LIMCH1: variants seen among roughly 807,000 people sequenced by gnomAD.
LIMCH1 encodes the protein LIM and calponin homology domains 1, also known as LIM and calponin homology domains-containing protein 1.
In LIMCH1, 113 loss-of-function variants were observed where a neutral mutation model predicts 176.5. The observed-to-expected ratio is 0.64, with a 90% CI of 0.55 to 0.75. The LOEUF is 0.75. Among genes scored for constraint, LIMCH1 ranks in the 30% least tolerant of loss-of-function variants. The pLI, the probability that LIMCH1 is intolerant of heterozygous loss-of-function variation, is 0.00. For missense variants in LIMCH1, 1,674 were observed against 1,814.9 expected, an observed-to-expected ratio of 0.92 and a Z score of 1.41; for synonymous variants, 619 against 645.9, an observed-to-expected ratio of 0.96 and a Z score of 0.63.
At chr4:41,423,088 G>A (rs1201166942) in intron 1 of LIMCH1, among the ~76,000 whole-genome samples, 1 of 152,164 alleles carries the variant, frequency 6.6e-6, no homozygotes, top group South Asian at 2.1e-4. Flanking sequence ...CTGTTACCCA[G>A]CAGCAGCCAC....
At chr4:41,378,302 ACTTGGCTCTGCCATTTACTAATG>A (rs1341682554) in intron 1 of LIMCH1, among the ~76,000 whole-genome samples, 2 of 152,176 alleles carry the variant, frequency 1.3e-5, no homozygotes, top group Non-Finnish European at 2.9e-5. Context: ...TGAATCGCAA[ACTTGGCTCTGCCATTTACTAATG>A]CTATGACTGT....
intron 1 of LIMCH1, among the ~76,000 whole-genome samples, chr4:41,593,345 T>C (rs1287566732): frequency 2.6e-5 from 4 of 152,272 alleles, no homozygotes; most frequent in South Asian, 4.1e-4. Flanking sequence ...AGGAACTTTA[T>C]GTTATGCCTT....
Position 41,360,847 on chromosome 4 carries a change from T to C in LIMCH1, c.7T>C (p.Cys3Arg), listed in dbSNP as rs1428978619. 1.3e-6 allele frequency: 2 copies of C among 1,562,790 alleles called. No individual in the cohort carries two copies. Residue 3 changes from cysteine (C) to arginine (R), a missense_variant, in exon 1 of 27, where the codon TGT becomes CGT. By Grantham distance (180) the Cys-to-Arg change is radical. Transcript: ENST00000313860. This position sits in a 1 kb window ranked among gnomAD's most constrained non-coding sequence, Gnocchi z 4.5. ...AGGACGCGGGGCTGCGCAAATGGCT[T>C]GTCCCGCTCTCGGTCTGGAAGCTCT...
At position 41,692,336 on chromosome 4, in the gene LIMCH1, A is replaced by G; in HGVS notation, c.4330A>G (p.Ile1444Val). 6.2e-7 allele frequency: 1 copy of G among 1,613,618 alleles called. No homozygotes were observed. The highest frequency in any genetic ancestry group is 8.5e-7 in the Non-Finnish European group (1 of 1,179,624). ...TGCAGTGAGTGGGACGGATGTTAGG[A>G]TTCGAAATGGTCTCCTGAACTGTAA... is the stretch of plus-strand genomic sequence containing the variant. ...GDAVSGTDVR[I>V]RNGLLNCNDC... Residue 1444 changes from isoleucine to valine, a missense_variant, in exon 31 of 32, where the codon ATT becomes GTT. This residue lies in a region of LIMCH1 where 1,015 missense variants were observed against 1,102.5 expected (regional missense o/e 0.92). Coordinates refer to ENST00000503057, the MANE Select transcript of LIMCH1 (RefSeq NM_001330672.2).
At chr4:41,463,171 TA>T (rs11326529) in intron 1 of LIMCH1, among the ~76,000 whole-genome samples, 62,161 of 149,142 alleles carry the variant, frequency 0.42, 14,553 homozygotes, top group African/African-American at 0.64. Context: ...AAAAATTCAT[TA>T]AAAAAAAAAA....
chr4:41,381,969 C>G (rs1453942575), intron 1 of LIMCH1, among the ~76,000 whole-genome samples: 1 of 152,180 alleles, frequency 6.6e-6, no homozygotes, highest in Non-Finnish European at 1.5e-5. Flanking sequence ...GGTGTGACAA[C>G]CAAAAATGTC....
chr4:41,416,885 A>G (rs2059986721), intron 1 of LIMCH1, among the ~76,000 whole-genome samples: 1 of 152,196 alleles, frequency 6.6e-6, no homozygotes, highest in African/African-American at 2.4e-5. Flanking sequence ...AGAAAGAAAT[A>G]GGGACTTACA....
chr4:41,681,060 G>T lies in LIMCH1; in HGVS notation c.3717+1G>T. 1 of 1,577,060 alleles carries T rather than the reference G, an allele frequency of 6.3e-7. No homozygotes were observed. Among genetic ancestry groups the T allele is most frequent in the Non-Finnish European group, 8.7e-7 (1 of 1,148,324 alleles). On this transcript the variant is annotated splice_donor_variant, in intron 25 of 31. Transcript: ENST00000503057. LOFTEE classifies it high-confidence loss of function. ...CATGACTGAAGGCAGTGGGACAATG[G>T]TGAGACCACAGATTAAAAGCAATTT...
chr4:41,626,746 A>T lies in LIMCH1; in HGVS notation c.764A>T (p.Asp255Val). 1 of 1,536,358 alleles carries T rather than the reference A, an allele frequency of 6.5e-7. No homozygotes were observed. The highest frequency in any genetic ancestry group is 8.7e-7 in the Non-Finnish European group (1 of 1,146,932). Reference protein sequence around the residue: ...QLSEEKEAIRDIVLRKENSFL... With the variant: ...QLSEEKEAIRVIVLRKENSFL... ...AGTGAAGAGAAAGAAGCTATTCGTG[A>T]TATTGTCCTTCGCAAAGAAAACTCT... Residue 255 changes from aspartate to valine, a missense_variant, in exon 8 of 32, where the codon GAT becomes GTT. By Grantham distance (152) the Asp-to-Val change is radical. Around this residue, in one of 3 missense-constraint regions of LIMCH1, gnomAD observed 655 missense variants for 692.2 expected, o/e 0.95. Coordinates refer to ENST00000503057, the MANE Select transcript of LIMCH1 (RefSeq NM_001330672.2).
intron 2 of LIMCH1, among the ~76,000 whole-genome samples, chr4:41,516,791 G>T (rs545826843): frequency 6.6e-6 from 1 of 152,254 alleles, no homozygotes; most frequent in African/African-American, 2.4e-5. Context: ...ATAAAAATTG[G>T]TCCATTTGTT....
intron 1 of LIMCH1, among the ~76,000 whole-genome samples, chr4:41,565,079 A>C (rs2082543068): frequency 6.6e-6 from 1 of 152,180 alleles, no homozygotes; most frequent in South Asian, 2.1e-4. Flanking sequence ...CCCAATTAAA[A>C]ACAAATAAGA....
At chr4:41,414,015 A>G (rs1196552875) in intron 1 of LIMCH1, among the ~76,000 whole-genome samples, 1 of 152,194 alleles carries the variant, frequency 6.6e-6, no homozygotes, top group African/African-American at 2.4e-5. Flanking sequence ...GGTAATAAAT[A>G]TATTTAGTTT....
chr4:41,642,630 C>T (rs1483535773), intron 14 of LIMCH1, among the ~76,000 whole-genome samples: 1 of 152,050 alleles, frequency 6.6e-6, no homozygotes, highest in African/African-American at 2.4e-5. Flanking sequence ...GTAATCTCAG[C>T]TCACTGCAAC....
chr4:41,415,760 G>T (rs939357688), intron 1 of LIMCH1, among the ~76,000 whole-genome samples: 1 of 152,008 alleles, frequency 6.6e-6, no homozygotes, highest in Non-Finnish European at 1.5e-5. Flanking sequence ...GGCAGATCGC[G>T]AGGTCAGGAG....
At chr4:41,663,834 C>G (rs1458653269) in intron 20 of LIMCH1, among the ~76,000 whole-genome samples, 1 of 125,170 alleles carries the variant, frequency 8.0e-6, no homozygotes, top group Non-Finnish European at 1.6e-5. Context: ...CCTGGGCAAC[C>G]CAGAAAGTCT....
At chr4:41,387,664 G>A (rs1465634325) in intron 1 of LIMCH1, among the ~76,000 whole-genome samples, 1 of 152,190 alleles carries the variant, frequency 6.6e-6, no homozygotes, top group Admixed American at 6.5e-5. Context: ...GTTTTATTCA[G>A]CATTTGATGA....
At chr4:41,590,066 C>G (rs2087224953) in intron 1 of LIMCH1, among the ~76,000 whole-genome samples, 1 of 151,950 alleles carries the variant, frequency 6.6e-6, no homozygotes, top group Non-Finnish European at 1.5e-5. Context: ...TTTAGCTCTC[C>G]CTGGGATCTT....
intron 1 of LIMCH1, among the ~76,000 whole-genome samples, chr4:41,414,472 A>G (rs1184897982): frequency 1.3e-5 from 2 of 152,214 alleles, no homozygotes; most frequent in Non-Finnish European, 2.9e-5. Flanking sequence ...TAGTGATTAG[A>G]GTCAGATGTT....
intron 1 of LIMCH1, among the ~76,000 whole-genome samples, chr4:41,459,327 G>T (rs1171992340): frequency 2.0e-5 from 3 of 151,556 alleles, no homozygotes; most frequent in Non-Finnish European, 4.4e-5. Flanking sequence ...TTTTGACAGG[G>T]TCTTGCTCTG....
Sources: allele counts gnomAD v4.1 joint callset (sites outside exome capture counted in the v4.1 genomes callset), GRCh38; gene constraint gnomAD v4.1.1; regional missense constraint gnomAD v4.1.1; non-coding constraint Gnocchi (gnomAD v3.1); transcripts MANE v1.5; gene names NCBI Gene and HGNC (gene_info 2026-07-23, HGNC 2026-07-21).